The following CBL variants were observed in gnomAD, a reference collection of about 807,000 sequenced individuals.
The protein encoded by CBL is Cbl proto-oncogene.
A neutral mutation model predicts 96.9 loss-of-function variants in CBL; 45 were observed. The ratio of observed to expected loss-of-function variants is 0.46; its 90% CI spans 0.37 to 0.60. The LOEUF (loss-of-function observed/expected upper bound fraction) is 0.60. Among genes scored for constraint, CBL ranks in the 20% least tolerant of loss-of-function variants. The probability of loss-of-function intolerance (pLI) is 0.00; values close to 1 mark genes in which losing one functional copy is unlikely to be tolerated. For synonymous variants in CBL, 420 were observed against 426.8 expected, an observed-to-expected ratio of 0.98 and a Z score of 0.20; for missense variants, 1,024 against 1,143.5, an observed-to-expected ratio of 0.90 and a Z score of 1.51.
At position 119,217,192 on chromosome 11, in the gene CBL, A is replaced by G. The variant is rs1172318619; in HGVS notation, c.195+10580A>G. Among the ~76,000 whole-genome samples, 3 of 152,138 alleles carry G rather than the reference A, an allele frequency of 2.0e-5. No individual in the cohort carries two copies. The East Asian group carries it at 5.8e-4, about 29-fold the overall frequency. On this transcript the variant is annotated intron_variant, in intron 1 of 15. Coordinates refer to ENST00000264033, the MANE Select transcript of CBL (RefSeq NM_005188.4). ...GAGTGCAGTGGTGCAGTATTGGCTC[A>G]CTGCAGCCTCCACCTCCTAGGTTCA...
At chr11:119,218,588 C>T (rs1186644776) in intron 1 of CBL, among the ~76,000 whole-genome samples, 1 of 152,110 alleles carries the variant, frequency 6.6e-6, no homozygotes, top group African/African-American at 2.4e-5. Flanking sequence ...TGCTTCTGTC[C>T]TGGGCATGAA....
At chr11:119,254,431 A>G (rs920665471) in intron 2 of CBL, among the ~76,000 whole-genome samples, 2 of 152,152 alleles carry the variant, frequency 1.3e-5, no homozygotes, top group African/African-American at 4.8e-5. Flanking sequence ...TAGATGATAC[A>G]GCCGCCCACA....
intron 15 of CBL, 119 bp from the exon 16 acceptor site, chr11:119,299,376 A>C: frequency 1.1e-6 from 1 of 893,482 alleles, no homozygotes; most frequent in Non-Finnish European, 1.8e-6. Context: ...GTGACTGAAG[A>C]GCACATGTAC....
At position 119,229,160 on chromosome 11, in the gene CBL, C is replaced by G. The variant is rs1178669621; in HGVS notation, c.196-3288C>G. Among the ~76,000 whole-genome samples, 4 of 152,112 alleles carry G rather than the reference C, an allele frequency of 2.6e-5. No homozygotes were observed. In the South Asian group the frequency reaches 8.3e-4, roughly 31 times the overall value. On this transcript the variant is annotated intron_variant, in intron 1 of 15. Transcript: ENST00000264033. ...TCCTTCCACAGACTAACATAGGAAA[C>G]TACAATTTTAATATTTTTGTTGTGA...
Position 119,300,657 on chromosome 11 carries a change from A to T in CBL, c.*876A>T. ...CTATTAAGATGTTTTGATTATCCTAATTACATAATGACCGATTTGAGATAG... is the reference window on the plus strand; with the variant it reads ...CTATTAAGATGTTTTGATTATCCTATTTACATAATGACCGATTTGAGATAG... On this transcript the variant is annotated 3_prime_UTR_variant, in exon 16 of 16. Transcript: ENST00000264033. 2.5e-6 allele frequency: 1 copy of T among 398,642 alleles called. No individual in the cohort carries two copies. Among genetic ancestry groups the T allele is most frequent in the Non-Finnish European group, 4.4e-6 (1 of 225,990 alleles). 24.7% of individuals were successfully genotyped at this position (398,642 alleles called of 1,614,324 possible).
intron 1 of CBL, among the ~76,000 whole-genome samples, chr11:119,223,366 T>TTATTTTATTTTGTTTTGTTTTA (rs1366712587): frequency 2.0e-5 from 3 of 150,634 alleles, no homozygotes; most frequent in Non-Finnish European, 3.0e-5. Context: ...TTATTTTACT[T>TTATTTTATTTTGTTTTGTTTTA]TATTTTATTT....
rs1323415711 is a variant in CBL at position 119,297,475 on chromosome 11, A to C, written c.2245A>C (p.Thr749Pro). The stretch of plus-strand genomic sequence containing the variant: ...GGCGCCATCTATCACCGAGAGCAGC[A>C]CCTTTGGTAAGTTGCCATTCTGCTA... The part of the protein sequence containing the change: ...SQAPSITESS[T>P]FGEGNLAAAH... Residue 749 changes from threonine to proline, a missense_variant, in exon 14 of 16, where the codon ACC (threonine) becomes CCC (proline). Physicochemically the swap from Thr to Pro is conservative, Grantham distance 38 (BLOSUM62 -1). This residue lies in a region of CBL where 695 missense variants were observed against 661.6 expected (regional missense o/e 1.05). Transcript: ENST00000264033. 6.2e-7 allele frequency: 1 copy of C among 1,609,204 alleles called. No individual in the cohort carries two copies. The highest frequency in any genetic ancestry group is 1.3e-5 in the African/African-American group (1 of 74,916).
At chr11:119,227,172 A>ATCAGTTAT (rs1443642178) in intron 1 of CBL, among the ~76,000 whole-genome samples, 2 of 152,230 alleles carry the variant, frequency 1.3e-5, no homozygotes, top group Non-Finnish European at 1.5e-5. Context: ...AATAAATTAC[A>ATCAGTTAT]TCAGTTATTC....
At chr11:119,241,955 T>C (rs567343758) in intron 2 of CBL, among the ~76,000 whole-genome samples, 4 of 152,136 alleles carry the variant, frequency 2.6e-5, no homozygotes, top group Non-Finnish European at 5.9e-5. Flanking sequence ...GATAGTGCAA[T>C]GGGAAGCCAC....
Position 119,287,894 on chromosome 11 carries a change from C to A in CBL, c.1984C>A (p.Pro662Thr). The A allele has an allele frequency of 6.2e-7, 1 of 1,613,794 alleles. No individual in the cohort carries two copies. Among genetic ancestry groups the A allele is most frequent in the Non-Finnish European group, 8.5e-7 (1 of 1,179,698 alleles). ...ATTAGTAGGTCCAGAGTGTGACCACCCCAAAATCAAACCTTCCTCATCTGC... is the reference window on the plus strand; with the variant it reads ...ATTAGTAGGTCCAGAGTGTGACCACACCAAAATCAAACCTTCCTCATCTGC... ...SPLVGPECDH[P>T]KIKPSSSANA... is the part of the protein sequence containing the mutation. The change falls in exon 12 of 16, where the codon CCC becomes ACC. Residue 662 changes from proline to threonine, a missense_variant. Pro to Thr is a conservative substitution (Grantham distance 38). Around this residue, in one of 4 missense-constraint regions of CBL, gnomAD observed 695 missense variants for 661.6 expected, o/e 1.05. Coordinates refer to ENST00000264033, the MANE Select transcript of CBL (RefSeq NM_005188.4).
intron 1 of CBL, among the ~76,000 whole-genome samples, chr11:119,221,320 G>C (rs985005064): frequency 6.6e-6 from 1 of 151,750 alleles, no homozygotes; most frequent in African/African-American, 2.4e-5. Context: ...GCGAGGTTGA[G>C]GTGGGCGGAT....
intron 1 of CBL, among the ~76,000 whole-genome samples, chr11:119,230,866 A>G (rs920207557): frequency 8.5e-5 from 13 of 152,382 alleles, no homozygotes; most frequent in Admixed American, 7.8e-4. Context: ...ATTTATTTGT[A>G]TGACAAACAC....
intron 2 of CBL, among the ~76,000 whole-genome samples, chr11:119,257,705 A>G (rs1423857145): frequency 6.6e-6 from 1 of 152,164 alleles, no homozygotes; most frequent in African/African-American, 2.4e-5. Context: ...TCTTTAATAC[A>G]TCTTGAGTTG....
At chr11:119,277,944 C>A in intron 7 of CBL, 100 bp downstream of exon 7, 3 of 949,430 alleles carry the variant, frequency 3.2e-6, no homozygotes, top group Non-Finnish European at 5.1e-6. Context: ...AACCCATTGA[C>A]TAGATTAGTG....
intron 1 of CBL, among the ~76,000 whole-genome samples, chr11:119,209,190 G>C (rs940835799): frequency 3.3e-5 from 5 of 152,122 alleles, no homozygotes; most frequent in Non-Finnish European, 5.9e-5. Context: ...TTGAGCATAA[G>C]GTGTCCTCTT....
intron 2 of CBL, among the ~76,000 whole-genome samples, chr11:119,243,086 T>C (rs1029126789): frequency 6.6e-6 from 1 of 152,104 alleles, no homozygotes; most frequent in African/African-American, 2.4e-5. Flanking sequence ...GAGAACAGTC[T>C]GGCCAATGTA....
rs202155963 is a variant in CBL, at chr11:119,220,141, C to T, written c.196-12307C>T. The stretch of plus-strand genomic sequence containing the variant: ...AAAGCGTAGGGATTACAGGTGTGAG[C>T]CACTGCACCCGGCCATGCCTGGCTA... On this transcript the variant is annotated intron_variant, in intron 1 of 15. Transcript: ENST00000264033. Among the ~76,000 whole-genome samples the T allele has an allele frequency of 2.1e-4, 32 of 152,274 alleles. No individual in the cohort carries two copies. The East Asian group carries it at 6.2e-3, about 29-fold the overall frequency.
In CBL at chr11:119,302,071, G is replaced by C; in HGVS notation, c.*2290G>C. 4.3e-6 allele frequency: 1 copy of C among 233,010 alleles called. No homozygotes were observed. The highest frequency in any genetic ancestry group is 8.5e-6 in the Non-Finnish European group (1 of 117,904). 14.4% of individuals were successfully genotyped at this position (233,010 alleles called of 1,614,324 possible). ...ATTATCTCCCTACTGTGTAGGTTAA[G>C]GGCAGTCTCGACTTTTCCTTTTTTG... On this transcript the variant is annotated 3_prime_UTR_variant, in exon 16 of 16. Coordinates refer to ENST00000264033, the MANE Select transcript of CBL (RefSeq NM_005188.4).
intron 1 of CBL, among the ~76,000 whole-genome samples, chr11:119,230,983 G>T (rs2135264875): frequency 6.6e-6 from 1 of 152,214 alleles, no homozygotes; most frequent in East Asian, 1.9e-4. Flanking sequence ...ACTCAGAAAA[G>T]TTGAAAGTGA....
Sources: gnomAD v4.1 joint callset for allele counts (sites outside exome capture counted in the v4.1 genomes callset) on GRCh38, gnomAD v4.1.1 for gene constraint, gnomAD v4.1.1 regional missense constraint, MANE v1.5 for transcripts, NCBI Gene and HGNC (gene_info 2026-07-23, HGNC 2026-07-21) for gene names.